Variants in TMEM244 observed in about 807,000 individuals in gnomAD.
TMEM244 encodes putative transmembrane protein 244.
A neutral mutation model predicts 15.8 loss-of-function variants in TMEM244; 13 were observed. That is an observed-to-expected ratio of 0.82 (90% CI 0.53 to 1.30). TMEM244 has a LOEUF of 1.30. Among genes scored for constraint, TMEM244 ranks in the 50% most tolerant of loss-of-function variants. The probability of loss-of-function intolerance (pLI) is 0.00; values close to 1 mark genes in which losing one functional copy is unlikely to be tolerated. For missense variants in TMEM244, 161 were observed against 144.9 expected (o/e 1.11, Z -0.57); for synonymous variants, 45 against 48.7 (o/e 0.92, Z 0.32).
At chr6:129,859,460 G>A (rs1404699200) in intron 1 of TMEM244, among the ~76,000 whole-genome samples, 1 of 152,204 alleles carries the variant, frequency 6.6e-6, no homozygotes, top group Non-Finnish European at 1.5e-5. Context: ...CTGAATGAAT[G>A]AAATTCTCCA....
intron 4 of TMEM244, among the ~76,000 whole-genome samples, chr6:129,832,093 C>CTTTTTTT (rs1177577598): frequency 3.5e-5 from 4 of 114,164 alleles, no homozygotes; most frequent in African/African-American, 3.3e-5. Context: ...ACAGATTGTA[C>CTTTTTTT]TTTTTTTTTT....
At chr6:129,859,529 A>G (rs1329972994) in intron 1 of TMEM244, among the ~76,000 whole-genome samples, 2 of 152,234 alleles carry the variant, frequency 1.3e-5, no homozygotes, top group Non-Finnish European at 1.5e-5. Flanking sequence ...AGATTTTTAC[A>G]ACATTTGTTT....
chr6:129,844,420 TGCACTTGG>T (rs1459533024), intron 2 of TMEM244, among the ~76,000 whole-genome samples: 1 of 152,204 alleles, frequency 6.6e-6, no homozygotes, highest in African/African-American at 2.4e-5. Flanking sequence ...GCTATAACCG[TGCACTTGG>T]GCAAGTCACC....
intron 1 of TMEM244, among the ~76,000 whole-genome samples, chr6:129,852,039 A>G (rs1176415612): frequency 6.6e-6 from 1 of 152,194 alleles, no homozygotes; most frequent in East Asian, 1.9e-4. Context: ...AAGATGCATA[A>G]GGACATATTT....
At position 129,835,546 on chromosome 6, in the gene TMEM244, G is replaced by T. The variant is rs569841722; in HGVS notation, c.194-1961C>A. On this transcript the variant is annotated intron_variant, in intron 3 of 4. Transcript: ENST00000368143. The stretch of plus-strand genomic sequence containing the variant: ...TAAGGTACCTGGTTCATCTCATTGG[G>T]ACTGGTTGGACAGTGGGTGCAGCCC... Among the ~76,000 whole-genome samples the T allele has an allele frequency of 1.9e-3, 282 of 152,256 alleles. 2 individuals carry two copies. The highest frequency in any genetic ancestry group is 5.0e-4 in the Non-Finnish European group (34 of 68,024).
chr6:129,857,848 A>G (rs1299524722), intron 1 of TMEM244, among the ~76,000 whole-genome samples: 2 of 147,344 alleles, frequency 1.4e-5, no homozygotes, highest in African/African-American at 5.0e-5. Context: ...ATGTACATAT[A>G]TATGTATATA....
chr6:129,846,477 T>C (rs1378300927), intron 1 of TMEM244, among the ~76,000 whole-genome samples: 4 of 152,182 alleles, frequency 2.6e-5, no homozygotes, highest in African/African-American at 9.6e-5. Flanking sequence ...TGTAAAACAC[T>C]ACATATTAAA....
intron 3 of TMEM244, among the ~76,000 whole-genome samples, chr6:129,838,270 G>C (rs978659256): frequency 6.6e-6 from 1 of 152,180 alleles, no homozygotes; most frequent in African/African-American, 2.4e-5. Flanking sequence ...TAGAACTCAG[G>C]ATTAAGAAAC....
intron 1 of TMEM244, among the ~76,000 whole-genome samples, chr6:129,856,805 T>C (rs769783481): frequency 9.9e-5 from 15 of 152,076 alleles, no homozygotes; most frequent in Non-Finnish European, 1.9e-4. Flanking sequence ...TTATTGAGAT[T>C]ATGCCAAACT....
chr6:129,837,760 C>T (rs187724070), intron 3 of TMEM244, among the ~76,000 whole-genome samples: 29 of 149,460 alleles, frequency 1.9e-4, no homozygotes, highest in Admixed American at 1.1e-3. Context: ...GCAAAAAAAG[C>T]GGGTTACAAT....
intron 3 of TMEM244, among the ~76,000 whole-genome samples, chr6:129,843,012 T>C (rs1285144853): frequency 6.6e-6 from 1 of 151,730 alleles, no homozygotes; most frequent in African/African-American, 2.4e-5. Context: ...GGAAGAAAAA[T>C]AAAACCAAGC....
At chr6:129,851,988 A>G (rs1218496180) in intron 1 of TMEM244, among the ~76,000 whole-genome samples, 1 of 152,216 alleles carries the variant, frequency 6.6e-6, no homozygotes, top group African/African-American at 2.4e-5. Context: ...TTTTTAAGGT[A>G]AGATAATGGT....
chr6:129,840,031 TC>T (rs1215761515), intron 3 of TMEM244, among the ~76,000 whole-genome samples: 2 of 152,070 alleles, frequency 1.3e-5, no homozygotes, highest in African/African-American at 4.8e-5. Context: ...TTCAATGCCA[TC>T]CCCATCAAGC....
At chr6:129,839,987 G>C (rs1776465467) in intron 3 of TMEM244, among the ~76,000 whole-genome samples, 1 of 152,174 alleles carries the variant, frequency 6.6e-6, no homozygotes, top group South Asian at 2.1e-4. Context: ...TCAGTATCGT[G>C]AAAATGGCCA....
intron 3 of TMEM244, 27 bp from the exon 4 acceptor site, chr6:129,833,612 A>G (rs574800551): frequency 6.2e-7 from 1 of 1,605,384 alleles, no homozygotes; most frequent in Non-Finnish European, 8.5e-7. Context: ...GAATATAATT[A>G]TTGAGGACTA....
intron 1 of TMEM244, among the ~76,000 whole-genome samples, chr6:129,859,396 T>A (rs959211093): frequency 6.6e-6 from 1 of 152,248 alleles, no homozygotes; most frequent in African/African-American, 2.4e-5. Flanking sequence ...CTCTCACTTG[T>A]AGAATCACAG....
At chr6:129,845,918 T>C (rs1195234499) in intron 1 of TMEM244, 66 bp from the exon 2 acceptor site, 3 of 1,076,886 alleles carry the variant, frequency 2.8e-6, no homozygotes, top group Non-Finnish European at 2.8e-6. Context: ...GGTAACTATT[T>C]TGACAAAAGA....
chr6:129,831,421 T>C, intron 4 of TMEM244, 35 bp from the exon 5 acceptor site: 2 of 1,403,550 alleles, frequency 1.4e-6, no homozygotes, highest in Non-Finnish European at 2.0e-6. Flanking sequence ...TTTCAAAACA[T>C]GCGTTTTTAT....
chr6:129,860,758 G>A (rs1776797209), intron 1 of TMEM244, among the ~76,000 whole-genome samples: 1 of 150,222 alleles, frequency 6.7e-6, no homozygotes, highest in South Asian at 2.1e-4. Context: ...TCAACACTTT[G>A]CATTTAAAAT....
Sources: allele counts gnomAD v4.1 joint callset (sites outside exome capture counted in the v4.1 genomes callset), GRCh38; gene constraint gnomAD v4.1.1; transcripts MANE v1.5; gene names NCBI Gene and HGNC (gene_info 2026-07-23, HGNC 2026-07-21).